The following PDE1C variants were observed in gnomAD, a reference collection of about 807,000 sequenced individuals.
PDE1C encodes the protein phosphodiesterase 1C.
PDE1C carries 62 observed loss-of-function variants against 93.1 expected under a neutral mutation model. That is an observed-to-expected ratio of 0.67 (90% CI 0.54 to 0.82). PDE1C has a LOEUF of 0.82. Among genes scored for constraint, PDE1C ranks in the 40% least tolerant of loss-of-function variants. The pLI, the probability that PDE1C is intolerant of heterozygous loss-of-function variation, is 0.00. For missense variants in PDE1C, 742 were observed against 884.6 expected, an observed-to-expected ratio of 0.84 and a Z score of 2.04; for synonymous variants, 325 against 310.1, an observed-to-expected ratio of 1.05 and a Z score of -0.50.
intron 3 of PDE1C, among the ~76,000 whole-genome samples, chr7:32,137,254 T>C (rs940655749): frequency 6.6e-6 from 1 of 152,198 alleles, no homozygotes; most frequent in African/African-American, 2.4e-5. Context: ...CACAGCAATC[T>C]AAAAATAGAC....
chr7:32,131,267 C>A (rs1484385195), intron 3 of PDE1C, among the ~76,000 whole-genome samples: 2 of 152,118 alleles, frequency 1.3e-5, no homozygotes, highest in African/African-American at 4.8e-5. Flanking sequence ...GCACTGAATG[C>A]CAGACAGACG....
chr7:31,697,248 A>T, the PDE1C span: 1 of 1,127,682 alleles, frequency 8.9e-7, no homozygotes, highest in Non-Finnish European at 1.2e-6. Flanking sequence ...TGCTCTGGGG[A>T]GAAGCCACAC....
At chr7:31,830,957 TG>T (rs1420734820) in intron 11 of PDE1C, among the ~76,000 whole-genome samples, 1 of 152,196 alleles carries the variant, frequency 6.6e-6, no homozygotes, top group Non-Finnish European at 1.5e-5. Flanking sequence ...GTTATACATT[TG>T]GGGGTAGCTA....
chr7:31,743,471 T>C, the PDE1C span, among the ~76,000 whole-genome samples: 1 of 151,908 alleles, frequency 6.6e-6, no homozygotes, highest in South Asian at 2.1e-4. Context: ...AATGACAGTT[T>C]CCACTTCAGA....
At chr7:32,222,109 C>A (rs994152665) in intron 1 of PDE1C, among the ~76,000 whole-genome samples, 1 of 152,166 alleles carries the variant, frequency 6.6e-6, no homozygotes, top group Admixed American at 6.6e-5. Flanking sequence ...CATGTATATA[C>A]ACGCACACAC....
At chr7:31,785,770 A>G (rs1179851727) in intron 16 of PDE1C, 1 of 152,088 alleles carries the variant, frequency 6.6e-6, no homozygotes, top group African/African-American at 2.4e-5. Flanking sequence ...CTCTGGTAAC[A>G]TTCTAACTCT....
At chr7:31,648,391 A>T in the PDE1C span, among the ~76,000 whole-genome samples, 2 of 151,874 alleles carry the variant, frequency 1.3e-5, no homozygotes, top group Non-Finnish European at 2.9e-5. Flanking sequence ...GTTTTTATTT[A>T]TTTTTTTTCT....
intron 16 of PDE1C, among the ~76,000 whole-genome samples, chr7:31,780,253 G>A (rs1421116813): frequency 6.6e-6 from 1 of 152,162 alleles, no homozygotes; most frequent in Non-Finnish European, 1.5e-5. Context: ...GTTTCTTTCA[G>A]TTGTCGGGAG....
intron 9 of PDE1C, 157 bp downstream of exon 9, chr7:31,847,811 T>C (rs982032684): frequency 2.7e-6 from 2 of 727,472 alleles, no homozygotes; most frequent in African/African-American, 3.6e-5. Context: ...CATACATACA[T>C]ACACAAAGAG....
At chr7:31,619,936 C>A in the PDE1C span, among the ~76,000 whole-genome samples, 1 of 152,166 alleles carries the variant, frequency 6.6e-6, no homozygotes, top group Admixed American at 6.5e-5. Flanking sequence ...GCTTAAAAAA[C>A]GGCGCACCAG....
intron 9 of PDE1C, among the ~76,000 whole-genome samples, chr7:31,841,199 C>T (rs193194293): frequency 0.01 from 762 of 76,090 alleles, 2 homozygotes; most frequent in Non-Finnish European, 0.014. Flanking sequence ...GTGTCTCTCT[C>T]CCTCTCTCTG....
At chr7:32,261,304 G>A (rs1810179225) in intron 1 of PDE1C, among the ~76,000 whole-genome samples, 2 of 151,906 alleles carry the variant, frequency 1.3e-5, no homozygotes, top group African/African-American at 2.4e-5. Context: ...AGCCAAACCA[G>A]TTCCGCCATC....
chr7:31,771,494 T>C (rs1391666328), intron 17 of PDE1C, among the ~76,000 whole-genome samples: 1 of 152,230 alleles, frequency 6.6e-6, no homozygotes, highest in Non-Finnish European at 1.5e-5. Flanking sequence ...ATGTGCTTAT[T>C]GGCCCATTTG....
intron 2 of PDE1C, among the ~76,000 whole-genome samples, chr7:31,961,457 T>C (rs1409591035): frequency 6.6e-6 from 1 of 152,146 alleles, no homozygotes; most frequent in Middle Eastern, 3.2e-3. Context: ...ATATTTATTT[T>C]ATATGTAGTA....
chr7:32,311,605 C>T (rs546542135), intron 1 of PDE1C, among the ~76,000 whole-genome samples: 1 of 152,044 alleles, frequency 6.6e-6, no homozygotes, highest in Non-Finnish European at 1.5e-5. Flanking sequence ...TCAATATACG[C>T]AAATCAATAA....
chr7:31,773,487 C>T (rs537427232), intron 17 of PDE1C, among the ~76,000 whole-genome samples: 42 of 152,134 alleles, frequency 2.8e-4, no homozygotes, highest in African/African-American at 1.0e-3. Flanking sequence ...AACACCATCA[C>T]TTCACACTGG....
chr7:32,226,397 C>T (rs1584991948), intron 1 of PDE1C, among the ~76,000 whole-genome samples: 1 of 152,212 alleles, frequency 6.6e-6, no homozygotes, highest in African/African-American at 2.4e-5. Flanking sequence ...TCAACTAATA[C>T]AAAGAATTTT....
At chr7:32,422,428 G>A (rs1785451291) in intron 1 of PDE1C, among the ~76,000 whole-genome samples, 1 of 152,172 alleles carries the variant, frequency 6.6e-6, no homozygotes, top group East Asian at 1.9e-4. Context: ...AATTGAGCCA[G>A]TCACACAGGT....
chr7:32,365,603 A>G (rs1784215379), intron 1 of PDE1C, among the ~76,000 whole-genome samples: 1 of 152,158 alleles, frequency 6.6e-6, no homozygotes, highest in Non-Finnish European at 1.5e-5. Context: ...GGCCTGAGAA[A>G]TAGCCCCATG....
Sources: allele counts gnomAD v4.1 joint callset (sites outside exome capture counted in the v4.1 genomes callset), GRCh38; gene constraint gnomAD v4.1.1; transcripts MANE v1.5; gene names NCBI Gene and HGNC (gene_info 2026-07-23, HGNC 2026-07-21).